Variants in CNOT4 observed in about 807,000 individuals in gnomAD.
The protein encoded by CNOT4 is CCR4-associated factor 4.
In CNOT4, 8 loss-of-function variants were observed where a neutral mutation model predicts 73.8. The ratio of observed to expected loss-of-function variants is 0.11; its 90% confidence interval spans 0.06 to 0.20. The LOEUF (loss-of-function observed/expected upper bound fraction) is 0.20. Ranked by LOEUF, CNOT4 falls within the 10% of genes least tolerant of loss-of-function variation. CNOT4 has a pLI of 1.00. For missense variants in CNOT4, 564 were observed against 883.4 expected, an observed-to-expected ratio of 0.64 and a Z score of 4.58; for synonymous variants, 293 against 321.1, an observed-to-expected ratio of 0.91 and a Z score of 0.94.
chr7:135,366,876 G>A (rs538953695), intron 10 of CNOT4, among the ~76,000 whole-genome samples: 4 of 152,114 alleles, frequency 2.6e-5, no homozygotes, highest in African/African-American at 4.8e-5. Context: ...ATCTCAGTCC[G>A]GCCATACCTG....
intron 1 of CNOT4, among the ~76,000 whole-genome samples, chr7:135,456,838 T>C (rs1214374759): frequency 6.6e-6 from 1 of 152,068 alleles, no homozygotes; most frequent in Non-Finnish European, 1.5e-5. Context: ...CAGTACTATC[T>C]GCGGTTTCAG....
intron 3 of CNOT4, among the ~76,000 whole-genome samples, chr7:135,419,808 C>T (rs760554507): frequency 7.9e-5 from 12 of 151,430 alleles, no homozygotes; most frequent in African/African-American, 2.2e-4. Context: ...TTTGGGGGGC[C>T]GAGGCAGGTG....
rs144083052 is a variant in CNOT4 at position 135,460,789 on chromosome 7, T to C, written c.-92-22366A>G. 4.6e-5 allele frequency among the ~76,000 whole-genome samples: 7 copies of C among 152,290 alleles called. 1 individual carries two copies. In the East Asian group the frequency reaches 7.7e-4, roughly 17 times the overall value. ...CAATTTGAAAAAAAAGCAGTATCTA[T>C]GAAGCACTTATTAAAGCAGTACACA... On this transcript the variant is annotated intron_variant, in intron 1 of 11. Coordinates refer to ENST00000541284, the MANE Select transcript of CNOT4 (RefSeq NM_001190850.2).
intron 10 of CNOT4, among the ~76,000 whole-genome samples, chr7:135,375,194 T>C (rs1795452805): frequency 6.6e-6 from 1 of 152,228 alleles, no homozygotes; most frequent in Non-Finnish European, 1.5e-5. Flanking sequence ...GTGAGCTTCA[T>C]ATTTTAAGAA....
chr7:135,452,463 G>C (rs1800232831), intron 1 of CNOT4, among the ~76,000 whole-genome samples: 1 of 152,026 alleles, frequency 6.6e-6, no homozygotes, highest in Non-Finnish European at 1.5e-5. Flanking sequence ...CCAGCTACTT[G>C]AGAGGCTGAG....
rs935142458 is a variant in CNOT4, at chr7:135,429,011, C to T, written c.175-6658G>A. Among the ~76,000 whole-genome samples, 3 of 152,026 alleles carry T rather than the reference C, an allele frequency of 2.0e-5. No individual in the cohort carries two copies. In the South Asian group the frequency reaches 6.2e-4, roughly 32 times the overall value. ...CACACACATACACACACACATCTTG[C>T]TAATTCTGTTATTCAAATTCCCCAT... On this transcript the variant is annotated intron_variant, in intron 2 of 11. Transcript: ENST00000541284.
intron 1 of CNOT4, among the ~76,000 whole-genome samples, chr7:135,457,405 T>C (rs757458203): frequency 6.6e-6 from 1 of 152,088 alleles, no homozygotes. Context: ...GTAACACCAA[T>C]GCATGCTTTT....
chr7:135,432,786 C>T (rs945527473), intron 2 of CNOT4, among the ~76,000 whole-genome samples: 7 of 152,194 alleles, frequency 4.6e-5, no homozygotes, highest in African/African-American at 1.7e-4. Context: ...TTTAGTGTAC[C>T]GTCACACTTA....
intron 1 of CNOT4, among the ~76,000 whole-genome samples, chr7:135,442,756 G>GA (rs898771625): frequency 4.0e-5 from 6 of 151,702 alleles, no homozygotes; most frequent in East Asian, 3.9e-4. Context: ...ATTTGGCAGG[G>GA]AAAAAAAATA....
intron 1 of CNOT4, among the ~76,000 whole-genome samples, chr7:135,500,205 A>C (rs1803868949): frequency 6.6e-6 from 1 of 152,130 alleles, no homozygotes; most frequent in Admixed American, 6.6e-5. Context: ...TTTCAGACTC[A>C]ACTGTGGGAA....
intron 10 of CNOT4, among the ~76,000 whole-genome samples, chr7:135,368,836 CTTTCACAGAA>C (rs1426057057): frequency 3.3e-5 from 5 of 152,178 alleles, no homozygotes; most frequent in Admixed American, 2.6e-4. Flanking sequence ...GACATCAGAC[CTTTCACAGAA>C]CACTGCTTGG....
intron 1 of CNOT4, among the ~76,000 whole-genome samples, chr7:135,461,149 G>A (rs1800848779): frequency 6.6e-6 from 1 of 152,138 alleles, no homozygotes; most frequent in Non-Finnish European, 1.5e-5. Context: ...TAGGTGGTGT[G>A]TGCCAGTCAC....
rs902095191 is a variant in CNOT4 at position 135,498,376 on chromosome 7, T to C, written c.-93+11513A>G. 2.0e-5 allele frequency among the ~76,000 whole-genome samples: 3 copies of C among 152,202 alleles called. No individual in the cohort carries two copies. The South Asian group carries it at 6.2e-4, about 31-fold the overall frequency. ...TCTACAAACATGAATACACCATCTA[T>C]CATTCAGAGTTCCCCAAAGCTGAAA... On this transcript the variant is annotated intron_variant, in intron 1 of 11. Transcript: ENST00000541284.
At chr7:135,453,814 A>AATATATATATTTTATATATAT (rs1800330020) in intron 1 of CNOT4, among the ~76,000 whole-genome samples, 1 of 108,354 alleles carries the variant, frequency 9.2e-6, no homozygotes, top group East Asian at 3.2e-4. Context: ...ATATATAATA[A>AATATATATATTTTATATATAT]ATATATATAT....
At chr7:135,391,578 A>G (rs1585572970) in intron 10 of CNOT4, among the ~76,000 whole-genome samples, 2 of 152,212 alleles carry the variant, frequency 1.3e-5, no homozygotes, top group Admixed American at 1.3e-4. Flanking sequence ...ATATGGTAAA[A>G]GTTTTAAAAA....
In CNOT4 at chr7:135,469,514, A is replaced by T. The variant is rs531236458; in HGVS notation, c.-92-31091T>A. Among the ~76,000 whole-genome samples, 51 of 152,196 alleles carry T rather than the reference A, an allele frequency of 3.4e-4. No individual in the cohort carries two copies. The Middle Eastern group carries it at 0.017, about 51-fold the overall frequency. On this transcript the variant is annotated intron_variant, in intron 1 of 11. Coordinates refer to ENST00000541284, the MANE Select transcript of CNOT4 (RefSeq NM_001190850.2). The stretch of plus-strand genomic sequence containing the variant: ...TCTACAAAAAGCAGTCAGGTGTAAA[A>T]ATGTAATTTGATGGTTTTATTCTCC...
intron 1 of CNOT4, among the ~76,000 whole-genome samples, chr7:135,500,530 G>A (rs1371118664): frequency 1.3e-5 from 2 of 152,086 alleles, no homozygotes; most frequent in African/African-American, 4.8e-5. Flanking sequence ...AACATATACG[G>A]CTGATGTTTA....
At chr7:135,405,661 G>A (rs929496888) in intron 7 of CNOT4, among the ~76,000 whole-genome samples, 3 of 152,130 alleles carry the variant, frequency 2.0e-5, no homozygotes, top group Non-Finnish European at 2.9e-5. Flanking sequence ...TAATGAAGGG[G>A]AGCAGATGAC....
chr7:135,414,546 A>G, intron 4 of CNOT4, 114 bp from the exon 5 acceptor site: 1 of 582,216 alleles, frequency 1.7e-6, no homozygotes, highest in Non-Finnish European at 3.1e-6. Flanking sequence ...ATTACTAATG[A>G]CAATAATTAG....
Sources: gnomAD v4.1 joint callset for allele counts (sites outside exome capture counted in the v4.1 genomes callset) on GRCh38, gnomAD v4.1.1 for gene constraint, MANE v1.5 for transcripts, NCBI Gene and HGNC (gene_info 2026-07-23, HGNC 2026-07-21) for gene names.